Variants in CEP120 observed in about 807,000 individuals in gnomAD.
The protein encoded by CEP120 is centrosomal protein 120.
A neutral mutation model predicts 126.5 loss-of-function variants in CEP120; 113 were observed. That is an observed-to-expected ratio of 0.89 (90% CI 0.77 to 1.04). CEP120 has a LOEUF of 1.04. Among genes scored for constraint, CEP120 ranks in the 50% least tolerant of loss-of-function variants. The pLI, the probability that CEP120 is intolerant of heterozygous loss-of-function variation, is 0.00. For missense variants in CEP120, 1,230 were observed against 1,155.7 expected, an observed-to-expected ratio of 1.06 and a Z score of -0.93; for synonymous variants, 400 against 394.3, an observed-to-expected ratio of 1.01 and a Z score of -0.17.
intron 16 of CEP120, among the ~76,000 whole-genome samples, chr5:123,376,803 G>A (rs1274314468): frequency 1.3e-5 from 2 of 152,092 alleles, no homozygotes; most frequent in Non-Finnish European, 2.9e-5. Flanking sequence ...GAAATCATGG[G>A]CATGAAATCA....
intron 18 of CEP120, among the ~76,000 whole-genome samples, chr5:123,361,756 A>G (rs1770092361): frequency 6.6e-6 from 1 of 151,806 alleles, no homozygotes; most frequent in African/African-American, 2.4e-5. Context: ...ACCACAGAAC[A>G]GCTTTATGGC....
intron 14 of CEP120, 29 bp from the exon 15 acceptor site, chr5:123,378,457 A>G: frequency 1.8e-6 from 2 of 1,096,640 alleles, no homozygotes; most frequent in Non-Finnish European, 2.6e-6. Flanking sequence ...AAAAAAAAAA[A>G]AGTTACCTAC....
intron 4 of CEP120, chr5:123,401,871 T>C: frequency 6.5e-7 from 1 of 1,550,146 alleles, no homozygotes; most frequent in Non-Finnish European, 8.8e-7. Context: ...CAGCTTCAGT[T>C]TCTCCTAGCC....
At chr5:123,385,169 A>G (rs1469926316) in intron 10 of CEP120, 36 bp from the exon 11 acceptor site, 3 of 1,492,746 alleles carry the variant, frequency 2.0e-6, no homozygotes, top group East Asian at 4.8e-5. Context: ...ATACCTATCA[A>G]CTCTGACCTA....
intron 17 of CEP120, among the ~76,000 whole-genome samples, chr5:123,369,416 A>G (rs752200): frequency 0.71 from 108,547 of 151,878 alleles, 38,936 homozygotes; most frequent in African/African-American, 0.75. Flanking sequence ...TGTGGCTCAT[A>G]TTCATACTGT....
Position 123,391,210 on chromosome 5 carries a change from G to A in CEP120, c.938C>T (p.Pro313Leu). 6.2e-7 allele frequency: 1 copy of A among 1,614,140 alleles called. No individual in the cohort carries two copies. ...AAGCTTCTGTTTGGCTCTGTTTGGA[G>A]GGTCAAGGGTAAAAGCACCTTCGAC... ...VTVEGAFTLDPPNRAKQKLAP... is the reference protein window; with the variant it reads ...VTVEGAFTLDLPNRAKQKLAP... Residue 313 changes from proline to leucine, a missense_variant, in exon 7 of 20, where the codon CCT (proline) becomes CTT (leucine). Coordinates refer to ENST00000306467, the MANE Select transcript of CEP120 (RefSeq NM_001375405.1).
intron 4 of CEP120, chr5:123,403,476 A>C: frequency 1.5e-5 from 5 of 343,212 alleles, no homozygotes; most frequent in Non-Finnish European, 2.8e-5. Flanking sequence ...ACTAAATAAA[A>C]AGAGAAAACT....
intron 18 of CEP120, among the ~76,000 whole-genome samples, chr5:123,361,166 C>A (rs962475202): frequency 1.3e-5 from 2 of 151,804 alleles, no homozygotes; most frequent in Non-Finnish European, 2.9e-5. Flanking sequence ...CTATTTTCCA[C>A]TTCTTCCCCA....
rs767766084 is a variant in CEP120, at chr5:123,418,414, C to G, written c.151G>C (p.Glu51Gln). Residue 51 changes from glutamate (E) to glutamine (Q), a missense_variant, in exon 2 of 20, where the codon GAA becomes CAA. Coordinates refer to ENST00000306467, the MANE Select transcript of CEP120 (RefSeq NM_001375405.1). Reference protein sequence around the residue: ...TDPVDHTDQPEFATELAWEID... With the variant: ...TDPVDHTDQPQFATELAWEID... ...TCCCAAGCTAACTCAGTAGCAAATT[C>G]TGGCTGGTCAGTGTGGTCCACAGGA... 2.5e-5 allele frequency: 41 copies of G among 1,612,038 alleles called. No individual in the cohort carries two copies. The highest frequency in any genetic ancestry group is 1.6e-4 in the Middle Eastern group (1 of 6,080).
rs1465724383 is a variant in CEP120, at chr5:123,412,551, A to G, written c.322-11T>C. On this transcript the variant is annotated splice_polypyrimidine_tract_variant and intron_variant, in intron 3 of 19. Coordinates refer to ENST00000306467, the MANE Select transcript of CEP120 (RefSeq NM_001375405.1). ...GTACCATTTTGGTGCCTAGAGAATA[A>G]TAAAATAACAAAACACCTAATAGTT... is the stretch of plus-strand genomic sequence containing the variant. 1 of 1,578,142 alleles carries G rather than the reference A, an allele frequency of 6.3e-7. No individual in the cohort carries two copies. The highest frequency in any genetic ancestry group is 1.4e-5 in the African/African-American group (1 of 73,176).
intron 6 of CEP120, among the ~76,000 whole-genome samples, chr5:123,392,716 C>A (rs1425411067): frequency 1.3e-5 from 2 of 152,044 alleles, no homozygotes; most frequent in African/African-American, 2.4e-5. Context: ...TGCTATGTTG[C>A]CCAGGCTATT....
chr5:123,376,352 T>A (rs1425514828), intron 16 of CEP120, among the ~76,000 whole-genome samples: 1 of 151,946 alleles, frequency 6.6e-6, no homozygotes, highest in Non-Finnish European at 1.5e-5. Context: ...GAAGTGAGCA[T>A]GGCATGCCTG....
intron 2 of CEP120, among the ~76,000 whole-genome samples, chr5:123,417,226 TGC>T (rs1774443671): frequency 2.0e-5 from 3 of 152,216 alleles, no homozygotes; most frequent in African/African-American, 7.2e-5. Flanking sequence ...TCTCTAAGAA[TGC>T]AATACTTCTT....
chr5:123,391,509 A>T (rs1038430653), intron 6 of CEP120, among the ~76,000 whole-genome samples, 172 bp from the exon 7 acceptor site: 4 of 152,188 alleles, frequency 2.6e-5, no homozygotes. Flanking sequence ...AACTGTTAAA[A>T]CTGGTGATAA....
chr5:123,390,628 T>C (rs1274507057), intron 7 of CEP120, among the ~76,000 whole-genome samples: 6 of 152,210 alleles, frequency 3.9e-5, no homozygotes, highest in African/African-American at 1.4e-4. Flanking sequence ...AAGATAAAGT[T>C]GATTTCTGGG....
At chr5:123,382,565 C>T (rs1292537251) in intron 13 of CEP120, among the ~76,000 whole-genome samples, 172 bp downstream of exon 13, 2 of 152,024 alleles carry the variant, frequency 1.3e-5, no homozygotes, top group Non-Finnish European at 2.9e-5. Context: ...TGCCAAGGTG[C>T]CACATTTCAG....
chr5:123,414,971 C>CAAAAAAAAAAAAAAAAAAAAA (rs56756568), intron 3 of CEP120, among the ~76,000 whole-genome samples: 1 of 40,662 alleles, frequency 2.5e-5, no homozygotes, highest in African/African-American at 1.2e-4. Flanking sequence ...GACTCCATCT[C>CAAAAAAAAAAAAAAAAAAAAA]AAAAAAAAAA....
chr5:123,399,001 A>C (rs1043142866), intron 5 of CEP120, 135 bp downstream of exon 5: 1 of 574,756 alleles, frequency 1.7e-6, no homozygotes, highest in Non-Finnish European at 2.9e-6. Flanking sequence ...TATGAAAGAA[A>C]ACATGTTTTG....
intron 18 of CEP120, among the ~76,000 whole-genome samples, chr5:123,362,973 G>C (rs1325389819): frequency 6.6e-6 from 1 of 151,564 alleles, no homozygotes; most frequent in Non-Finnish European, 1.5e-5. Context: ...ACTGAAGCTT[G>C]AGCCCTTGGC....
Sources: gnomAD v4.1 joint callset for allele counts (sites outside exome capture counted in the v4.1 genomes callset) on GRCh38, gnomAD v4.1.1 for gene constraint, MANE v1.5 for transcripts, NCBI Gene and HGNC (gene_info 2026-07-23, HGNC 2026-07-21) for gene names.